The following C9orf85 variants were observed in gnomAD, a reference collection of about 807,000 sequenced individuals.
C9orf85 encodes chromosome 9 open reading frame 85, also known as uncharacterized protein C9orf85.
In C9orf85, 16 loss-of-function variants were observed where a neutral mutation model predicts 14.9. The observed-to-expected ratio is 1.08, with a 90% CI of 0.73 to 1.63. The LOEUF is 1.63. C9orf85 is among the 40% of genes most tolerant of loss of function. C9orf85 has a pLI of 0.00. For missense variants in C9orf85, 172 were observed against 186.1 expected (o/e 0.92, Z 0.44); for synonymous variants, 45 against 56.8 (o/e 0.79, Z 0.93).
Position 71,927,752 on chromosome 9 carries a change from A to G in C9orf85, c.102+15916A>G, listed in dbSNP as rs147755984. 1.0e-2 allele frequency among the ~76,000 whole-genome samples: 1,517 copies of G among 152,354 alleles called. 9 individuals carry two copies. The highest frequency in any genetic ancestry group is 0.017 in the Non-Finnish European group (1,166 of 68,030). ...TTAAAAATAGCTGATAAGTTCTTGA[A>G]GTAGATTTTTAGTTCATTAGTAAAG... On this transcript the variant is annotated intron_variant, in intron 1 of 3. Transcript: ENST00000334731.
At chr9:71,939,600 A>C (rs1828280913) in intron 1 of C9orf85, among the ~76,000 whole-genome samples, 1 of 152,140 alleles carries the variant, frequency 6.6e-6, no homozygotes, top group African/African-American at 2.4e-5. Flanking sequence ...GTTGTTGTTG[A>C]AATCAACAAA....
intron 2 of C9orf85, among the ~76,000 whole-genome samples, chr9:71,954,766 A>G (rs1188382598): frequency 6.6e-6 from 1 of 152,064 alleles, no homozygotes; most frequent in African/African-American, 2.4e-5. Flanking sequence ...CTAATCTCCT[A>G]TCTTATTCTG....
At chr9:71,942,966 A>C (rs958433029) in intron 1 of C9orf85, among the ~76,000 whole-genome samples, 2 of 151,934 alleles carry the variant, frequency 1.3e-5, no homozygotes, top group Non-Finnish European at 2.9e-5. Flanking sequence ...GTTATTAGTC[A>C]CGTGAGTTCT....
chr9:71,975,771 G>A (rs1822987122), downstream of C9orf85, among the ~76,000 whole-genome samples: 1 of 152,224 alleles, frequency 6.6e-6, no homozygotes, highest in Non-Finnish European at 1.5e-5. Flanking sequence ...GGCAGAGGTT[G>A]TGGTGAGCCA....
At chr9:71,911,861 C>T (rs754388010) in intron 1 of C9orf85, 25 bp downstream of exon 1, 2 of 1,599,082 alleles carry the variant, frequency 1.3e-6, no homozygotes, top group Non-Finnish European at 1.7e-6. Flanking sequence ...GTTGCACCGT[C>T]TTTGACTCCA....
In C9orf85 at chr9:71,971,636, T is replaced by C. The variant is rs780423272; in HGVS notation, c.323+18T>C. 3.3e-6 allele frequency: 5 copies of C among 1,502,444 alleles called. No individual in the cohort carries two copies. Among genetic ancestry groups the C allele is most frequent in the Non-Finnish European group, 4.6e-6 (5 of 1,082,414 alleles). 93.1% of individuals were successfully genotyped at this position (1,502,444 alleles called of 1,614,324 possible). On this transcript the variant is annotated intron_variant, in intron 3 of 3. Transcript: ENST00000334731. ...GTTATTCCGTGAGTGTTTCCTTTTA[T>C]GTTTGAATTTTACTCTTAGTGATTG...
chr9:71,977,846 G>T (rs963472732), downstream of C9orf85, among the ~76,000 whole-genome samples: 2 of 152,090 alleles, frequency 1.3e-5, no homozygotes, highest in East Asian at 1.9e-4. Flanking sequence ...AATCTAGGGG[G>T]TTAGAATTGC....
At chr9:71,934,837 T>A (rs1250993139) in intron 1 of C9orf85, among the ~76,000 whole-genome samples, 1 of 152,024 alleles carries the variant, frequency 6.6e-6, no homozygotes, top group Non-Finnish European at 1.5e-5. Context: ...GCCATTGTAC[T>A]CCAGCCTGGG....
intron 1 of C9orf85, among the ~76,000 whole-genome samples, chr9:71,924,435 CAG>C (rs1489520510): frequency 5.3e-5 from 8 of 152,158 alleles, no homozygotes; most frequent in Admixed American, 2.0e-4. Context: ...TTTGTTTTTG[CAG>C]AGTCTTATGT....
rs563025767 is a variant in C9orf85, at chr9:71,952,457, T to C, written c.209+5345T>C. ...TCAGCTCACTGCAAGCTCCGCCTCC[T>C]GGGTTCACACAATTCTCCTGCCTCA... On this transcript the variant is annotated intron_variant, in intron 2 of 3. Transcript: ENST00000334731. 3.3e-5 allele frequency among the ~76,000 whole-genome samples: 5 copies of C among 152,296 alleles called. No homozygotes were observed. The East Asian group carries it at 5.8e-4, about 18-fold the overall frequency.
At chr9:71,934,771 G>A (rs1020125698) in intron 1 of C9orf85, among the ~76,000 whole-genome samples, 1 of 152,034 alleles carries the variant, frequency 6.6e-6, no homozygotes, top group Non-Finnish European at 1.5e-5. Context: ...CCAGGAGGCT[G>A]AGGTAGGAGG....
At chr9:71,982,164 C>A (rs1009025808) in intron 3 of C9orf85, among the ~76,000 whole-genome samples, 9 of 152,018 alleles carry the variant, frequency 5.9e-5, no homozygotes, top group African/African-American at 1.9e-4. Flanking sequence ...GTCTTTGAGT[C>A]TAGCTCCATT....
chr9:71,957,050 G>A (rs1822398204), intron 2 of C9orf85, among the ~76,000 whole-genome samples: 1 of 151,672 alleles, frequency 6.6e-6, no homozygotes, highest in African/African-American at 2.4e-5. Context: ...TCGAACTCCT[G>A]ACCTCTGCCA....
chr9:71,971,975 CA>C (rs1280978130), intron 3 of C9orf85, among the ~76,000 whole-genome samples: 1,921 of 53,240 alleles, frequency 0.036, 13 homozygotes, highest in Middle Eastern at 0.062. Context: ...GACTCCATCT[CA>C]AAAAAAAAAA....
intron 2 of C9orf85, among the ~76,000 whole-genome samples, chr9:71,959,276 T>TA (rs1289260267): frequency 6.6e-6 from 1 of 152,054 alleles, no homozygotes; most frequent in African/African-American, 2.4e-5. Context: ...TAGCTGGGAT[T>TA]ACAGGCACGC....
intron 1 of C9orf85, among the ~76,000 whole-genome samples, chr9:71,920,066 G>A (rs2132252529): frequency 6.6e-6 from 1 of 152,210 alleles, no homozygotes; most frequent in South Asian, 2.1e-4. Flanking sequence ...GGCCAGGACA[G>A]TCTCGATCTC....
intron 1 of C9orf85, among the ~76,000 whole-genome samples, chr9:71,940,515 A>G (rs1821893587): frequency 6.6e-6 from 1 of 152,204 alleles, no homozygotes; most frequent in Non-Finnish European, 1.5e-5. Flanking sequence ...TATTAGAGAA[A>G]TGTAAATTGA....
intron 1 of C9orf85, among the ~76,000 whole-genome samples, chr9:71,919,641 ATAT>A (rs1436385030): frequency 6.6e-6 from 1 of 152,190 alleles, no homozygotes; most frequent in Admixed American, 6.5e-5. Flanking sequence ...GATATACATA[ATAT>A]TATACCTAAT....
chr9:71,922,133 G>T (rs1162336670), intron 1 of C9orf85, among the ~76,000 whole-genome samples: 2 of 151,888 alleles, frequency 1.3e-5, no homozygotes, highest in Non-Finnish European at 2.9e-5. Context: ...TAGAGACACG[G>T]TTTCACCATC....
Sources: gnomAD v4.1 joint callset for allele counts (sites outside exome capture counted in the v4.1 genomes callset) on GRCh38, gnomAD v4.1.1 for gene constraint, MANE v1.5 for transcripts, NCBI Gene and HGNC (gene_info 2026-07-23, HGNC 2026-07-21) for gene names.